PRKCA: variants seen among roughly 807,000 people sequenced by gnomAD.
PRKCA encodes the protein protein kinase C alpha type.
PRKCA carries 27 observed loss-of-function variants against 87.0 expected under a neutral mutation model. That is an observed-to-expected ratio of 0.31 (90% CI 0.23 to 0.43). PRKCA has a LOEUF of 0.43. Ranked by LOEUF, PRKCA falls within the 20% of genes least tolerant of loss-of-function variation. The pLI, the probability that PRKCA is intolerant of heterozygous loss-of-function variation, is 1.00. For missense variants in PRKCA, 518 were observed against 852.3 expected, an observed-to-expected ratio of 0.61 and a Z score of 4.88; for synonymous variants, 329 against 311.1, an observed-to-expected ratio of 1.06 and a Z score of -0.61.
intron 13 of PRKCA, among the ~76,000 whole-genome samples, chr17:66,759,924 TA>T (rs1288636744): frequency 6.6e-6 from 1 of 152,222 alleles, no homozygotes; most frequent in Non-Finnish European, 1.5e-5. Context: ...TTGAAATACA[TA>T]CGGCCAAACA....
chr17:66,798,163 C>A (rs1975712392), intron 16 of PRKCA, among the ~76,000 whole-genome samples: 1 of 152,216 alleles, frequency 6.6e-6, no homozygotes, highest in African/African-American at 2.4e-5. Flanking sequence ...GCCCCCTCAG[C>A]CCTTTAGCCT....
intron 3 of PRKCA, among the ~76,000 whole-genome samples, chr17:66,626,342 C>T (rs1970855284): frequency 6.6e-6 from 1 of 150,662 alleles, no homozygotes; most frequent in Non-Finnish European, 1.5e-5. Context: ...TGCACACCAC[C>T]ATGCCCAGCT....
intron 2 of PRKCA, among the ~76,000 whole-genome samples, chr17:66,494,364 T>C (rs1029483334): frequency 1.9e-4 from 29 of 152,200 alleles, no homozygotes; most frequent in Non-Finnish European, 3.4e-4. Flanking sequence ...AAGTCGAAGA[T>C]CAAGGTGCCA....
At position 66,809,922 on chromosome 17, in the gene PRKCA, C is replaced by T. The variant is rs1277591025; in HGVS notation, c.*5885C>T. 6.6e-6 allele frequency: 1 copy of T among 152,194 alleles called. No individual in the cohort carries two copies. The highest frequency in any genetic ancestry group is 1.9e-4 in the East Asian group (1 of 5,192). 9.4% of individuals were successfully genotyped at this position (152,194 alleles called of 1,614,324 possible). A position where few individuals can be genotyped will look rare whatever the true frequency, so the allele number is the denominator to read the frequency against. On this transcript the variant is annotated 3_prime_UTR_variant, in exon 17 of 17. Transcript: ENST00000413366. ...GCCCAGACCCGCCTGGTCCCCAGGT[C>T]TCTCACCTTGGGTGAAGATTCAGAG...
chr17:66,778,845 C>CAAA (rs1231493421), intron 14 of PRKCA, among the ~76,000 whole-genome samples: 2 of 61,320 alleles, frequency 3.3e-5, no homozygotes, highest in Non-Finnish European at 3.3e-5. Flanking sequence ...ACCCTGTCTC[C>CAAA]AAAAAAAAAA....
At chr17:66,548,835 T>C (rs1351591787) in intron 3 of PRKCA, among the ~76,000 whole-genome samples, 1 of 151,390 alleles carries the variant, frequency 6.6e-6, no homozygotes, top group Non-Finnish European at 1.5e-5. Context: ...GCAGGCTCTC[T>C]CTCTGTTGCC....
intron 4 of PRKCA, among the ~76,000 whole-genome samples, chr17:66,642,046 C>T (rs1971309446): frequency 6.6e-6 from 1 of 152,160 alleles, no homozygotes; most frequent in Non-Finnish European, 1.5e-5. Context: ...AAGACACCAG[C>T]CCTTTTCTGT....
At chr17:66,607,951 T>C (rs898197168) in intron 3 of PRKCA, among the ~76,000 whole-genome samples, 3 of 152,214 alleles carry the variant, frequency 2.0e-5, no homozygotes, top group Non-Finnish European at 4.4e-5. Flanking sequence ...CTCTTCCATT[T>C]TAAGATAAAA....
intron 2 of PRKCA, among the ~76,000 whole-genome samples, chr17:66,437,735 C>CGGGGGGGGGGGGGG (rs1233106338): frequency 1.8e-4 from 1 of 5,588 alleles, no homozygotes; most frequent in African/African-American, 5.9e-4. Context: ...TTTTTTTGAG[C>CGGGGGGGGGGGGGG]GGGGGGTGGG....
intron 5 of PRKCA, among the ~76,000 whole-genome samples, chr17:66,654,951 T>A (rs1971695545): frequency 6.6e-6 from 1 of 152,218 alleles, no homozygotes; most frequent in Non-Finnish European, 1.5e-5. Flanking sequence ...TTGGCATCCG[T>A]CTGGCTTTTT....
At chr17:66,669,289 A>C (rs1972116878) in intron 5 of PRKCA, among the ~76,000 whole-genome samples, 2 of 152,178 alleles carry the variant, frequency 1.3e-5, no homozygotes, top group Admixed American at 6.5e-5. Flanking sequence ...ATAGTACATA[A>C]TTAAAATCTT....
chr17:66,765,422 A>ATATCTATATATCTATATATCTATATC (rs1568020882), intron 13 of PRKCA, among the ~76,000 whole-genome samples: 22 of 102,550 alleles, frequency 2.1e-4, no homozygotes, highest in Non-Finnish European at 3.9e-4. Context: ...CTTTGTCTAT[A>ATATCTATATATCTATATATCTATATC]TATATATATA....
intron 2 of PRKCA, among the ~76,000 whole-genome samples, chr17:66,330,568 T>G (rs539453814): frequency 4.9e-4 from 74 of 152,302 alleles, no homozygotes; most frequent in African/African-American, 1.8e-3. Context: ...TCAGAAGAGA[T>G]AAAGCGGATC....
At chr17:66,693,619 G>A (rs1972837469) in intron 8 of PRKCA, among the ~76,000 whole-genome samples, 1 of 152,138 alleles carries the variant, frequency 6.6e-6, no homozygotes, top group Non-Finnish European at 1.5e-5. Flanking sequence ...TCCCTGTGAT[G>A]AGGCTCACGG....
At position 66,502,227 on chromosome 17, in the gene PRKCA, G is replaced by T. The variant is rs116978283; in HGVS notation, c.288+5944G>T. On this transcript the variant is annotated intron_variant, in intron 3 of 16. Transcript: ENST00000413366. ...GTGTGTATGTTTATTAGCACATTAA[G>T]CCCTTTTTAATTTTTTTTTTTTCTT... 8.5e-3 allele frequency among the ~76,000 whole-genome samples: 1,296 copies of T among 152,128 alleles called. 12 individuals carry two copies. The highest frequency in any genetic ancestry group is 0.013 in the Non-Finnish European group (885 of 67,988).
chr17:66,355,019 G>A (rs574752543), intron 2 of PRKCA, among the ~76,000 whole-genome samples: 13 of 152,238 alleles, frequency 8.5e-5, no homozygotes, highest in Non-Finnish European at 1.2e-4. Context: ...CTCGTTGCTC[G>A]AGGGGGCGAA....
At chr17:66,459,344 G>A (rs576013342) in intron 2 of PRKCA, among the ~76,000 whole-genome samples, 1 of 152,138 alleles carries the variant, frequency 6.6e-6, no homozygotes, top group East Asian at 1.9e-4. Flanking sequence ...TCATGTTATT[G>A]CACTCCAGCC....
chr17:66,516,623 ACT>A (rs1362705312), intron 3 of PRKCA, among the ~76,000 whole-genome samples: 1 of 150,556 alleles, frequency 6.6e-6, no homozygotes, highest in Non-Finnish European at 1.5e-5. Flanking sequence ...ACAGAGCAAG[ACT>A]CTGTCTAAAA....
intron 1 of PRKCA, 61 bp downstream of exon 1, chr17:66,303,085 G>A: frequency 6.4e-7 from 1 of 1,571,400 alleles, no homozygotes; most frequent in Non-Finnish European, 8.6e-7. Flanking sequence ...CCGGCACCCG[G>A]CGCTCCGGCG....
Sources: allele counts gnomAD v4.1 joint callset (sites outside exome capture counted in the v4.1 genomes callset), GRCh38; gene constraint gnomAD v4.1.1; transcripts MANE v1.5; gene names NCBI Gene and HGNC (gene_info 2026-07-23, HGNC 2026-07-21).